Variants in DHRSX observed in about 807,000 individuals in gnomAD.
The protein encoded by DHRSX is dehydrogenase/reductase X-linked, also known as polyprenol dehydrogenase.
A neutral mutation model predicts 34.0 loss-of-function variants in DHRSX; 31 were observed. The observed-to-expected ratio is 0.91, with a 90% CI of 0.69 to 1.23. DHRSX has a LOEUF of 1.23. Ranked by LOEUF, DHRSX falls within the 50% of genes most tolerant of loss-of-function variation. The probability of loss-of-function intolerance (pLI) is 0.00; values close to 1 mark genes in which losing one functional copy is unlikely to be tolerated. For missense variants in DHRSX, 414 were observed against 428.1 expected (o/e 0.97, Z 0.29); for synonymous variants, 201 against 183.8 (o/e 1.09, Z -0.76).
chrX:2,424,355 T>C (rs2043816665), intron 2 of DHRSX, among the ~76,000 whole-genome samples: 1 of 148,860 alleles, frequency 6.7e-6, no homozygotes, highest in Non-Finnish European at 1.5e-5. Flanking sequence ...GAAGAGGAGA[T>C]GAAAACACAC....
intron 1 of DHRSX, among the ~76,000 whole-genome samples, chrX:2,446,126 C>A (rs1417149279): frequency 2.7e-5 from 4 of 150,270 alleles, no homozygotes; most frequent in Admixed American, 2.6e-4. Flanking sequence ...TGAAGACGTT[C>A]CAGAAGTGTG....
intron 4 of DHRSX, among the ~76,000 whole-genome samples, chrX:2,271,119 C>T (rs1387588822): frequency 6.6e-6 from 1 of 152,222 alleles, no homozygotes; most frequent in East Asian, 1.9e-4. Flanking sequence ...TGGGTCTACA[C>T]TACCTGTATG....
intron 5 of DHRSX, among the ~76,000 whole-genome samples, chrX:2,244,617 C>T (rs1192257886): frequency 6.6e-6 from 1 of 152,084 alleles, no homozygotes; most frequent in African/African-American, 2.4e-5. Flanking sequence ...CAGAGGCGAT[C>T]AATTTGCTAC....
chrX:2,455,096 G>A (rs2124680282), intron 1 of DHRSX, among the ~76,000 whole-genome samples: 1 of 139,554 alleles, frequency 7.2e-6, no homozygotes, highest in Admixed American at 7.0e-5. Flanking sequence ...TGGGCAACAA[G>A]AGGGAAACCC....
At chrX:2,256,025 T>C (rs1174618364) in intron 5 of DHRSX, among the ~76,000 whole-genome samples, 1 of 151,130 alleles carries the variant, frequency 6.6e-6, no homozygotes. Flanking sequence ...CTTTTTTTTT[T>C]TTTTTTCTCT....
At chrX:2,403,595 C>G (rs959832593) in intron 3 of DHRSX, among the ~76,000 whole-genome samples, 1 of 152,136 alleles carries the variant, frequency 6.6e-6, no homozygotes, top group East Asian at 1.9e-4. Context: ...GTGGCTCACG[C>G]CTGTAATCCC....
intron 6 of DHRSX, among the ~76,000 whole-genome samples, chrX:2,237,442 A>T (rs1285231441): frequency 6.6e-6 from 1 of 152,046 alleles, no homozygotes; most frequent in Admixed American, 6.6e-5. Flanking sequence ...CAAAGTGGTC[A>T]GGACTTGCTG....
chrX:2,394,737 G>C (rs920830115), intron 3 of DHRSX, among the ~76,000 whole-genome samples: 3 of 152,088 alleles, frequency 2.0e-5, no homozygotes, highest in African/African-American at 4.8e-5. Flanking sequence ...GTGGTGGCAC[G>C]TGCCTGTAGT....
At chrX:2,334,181 T>TTTTTTTTTTTTTG (rs1569490397) in intron 3 of DHRSX, 1 of 148,488 alleles carries the variant, frequency 6.7e-6, no homozygotes, top group African/African-American at 2.5e-5. Context: ...TTTTTTTTTT[T>TTTTTTTTTTTTTG]GAGACACAGT....
intron 3 of DHRSX, among the ~76,000 whole-genome samples, chrX:2,308,929 G>T (rs1336626584): frequency 1.3e-5 from 2 of 151,936 alleles, no homozygotes; most frequent in African/African-American, 4.8e-5. Flanking sequence ...AGAAAATACT[G>T]TCAATAATAT....
At chrX:2,266,321 C>T (rs1407745574) in intron 5 of DHRSX, among the ~76,000 whole-genome samples, 9 of 138,024 alleles carry the variant, frequency 6.5e-5, no homozygotes, top group African/African-American at 2.2e-4. Context: ...CACCAATGCT[C>T]GGCAGACACA....
chrX:2,376,203 G>A (rs896739472), intron 3 of DHRSX, among the ~76,000 whole-genome samples: 4 of 137,718 alleles, frequency 2.9e-5, no homozygotes, highest in African/African-American at 9.9e-5. Context: ...CAGGGTGGCT[G>A]GGGCCAATTG....
intron 3 of DHRSX, among the ~76,000 whole-genome samples, chrX:2,373,817 A>G (rs1396255340): frequency 6.6e-6 from 1 of 152,138 alleles, no homozygotes; most frequent in Non-Finnish European, 1.5e-5. Context: ...CCGGCCAGGA[A>G]ATAGAGGTGA....
chrX:2,352,536 GA>G (rs2042800784), intron 3 of DHRSX, among the ~76,000 whole-genome samples: 1 of 152,128 alleles, frequency 6.6e-6, no homozygotes, highest in Admixed American at 6.6e-5. Flanking sequence ...ACAATTCTGT[GA>G]AGTTCTTCAG....
intron 6 of DHRSX, among the ~76,000 whole-genome samples, chrX:2,235,636 G>C (rs1358657522): frequency 1.4e-5 from 2 of 147,282 alleles, no homozygotes; most frequent in African/African-American, 5.0e-5. Flanking sequence ...CCAGCTACTC[G>C]GGAGGCTGAG....
chrX:2,241,194 C>CA (rs1490878781), intron 6 of DHRSX, among the ~76,000 whole-genome samples: 2 of 151,964 alleles, frequency 1.3e-5, no homozygotes, highest in Non-Finnish European at 2.9e-5. Flanking sequence ...AACAAACAAA[C>CA]AAAAAAACCC....
At chrX:2,230,919 C>T (rs1380793430) in intron 6 of DHRSX, among the ~76,000 whole-genome samples, 7 of 152,172 alleles carry the variant, frequency 4.6e-5, no homozygotes, top group East Asian at 3.9e-4. Flanking sequence ...TTGAGAACTG[C>T]GACTAATACA....
chrX:2,369,075 A>G (rs2043026946), intron 3 of DHRSX, among the ~76,000 whole-genome samples: 1 of 152,206 alleles, frequency 6.6e-6, no homozygotes, highest in Non-Finnish European at 1.5e-5. Context: ...ATAGAAGCAA[A>G]CCTACCACAC....
At chrX:2,490,347 C>T (rs2045102271) in intron 1 of DHRSX, 21 of 1,613,238 alleles carry the variant, frequency 1.3e-5, no homozygotes, top group Non-Finnish European at 1.7e-5. Context: ...GCCGTCAGCT[C>T]CTGCTGCTTC....
Sources: gnomAD v4.1 joint callset for allele counts (sites outside exome capture counted in the v4.1 genomes callset) on GRCh38, gnomAD v4.1.1 for gene constraint, MANE v1.5 for transcripts, NCBI Gene and HGNC (gene_info 2026-07-23, HGNC 2026-07-21) for gene names.